JPH3: variants seen among roughly 807,000 people sequenced by gnomAD.
The protein encoded by JPH3 is junctophilin 3, also known as junctophilin-3.
In JPH3, 11 loss-of-function variants were observed where a neutral mutation model predicts 59.6. The observed-to-expected ratio is 0.18, with a 90% confidence interval of 0.12 to 0.31. The LOEUF (loss-of-function observed/expected upper bound fraction) is 0.31. Among genes scored for constraint, JPH3 ranks in the 10% least tolerant of loss-of-function variants. The pLI is 1.00. For missense variants in JPH3, 1,202 were observed against 1,105.7 expected (o/e 1.09, Z -1.24); for synonymous variants, 673 against 483.6 (o/e 1.39, Z -5.14).
chr16:87,616,396 G>T (rs1314611181), intron 1 of JPH3, among the ~76,000 whole-genome samples: 2 of 148,344 alleles, frequency 1.3e-5, no homozygotes, highest in African/African-American at 5.0e-5. Context: ...ACCACGCCTG[G>T]TTAAGTTTTT....
At chr16:87,682,205 G>A (rs1386773338) in intron 2 of JPH3, among the ~76,000 whole-genome samples, 1 of 150,824 alleles carries the variant, frequency 6.6e-6, no homozygotes, top group East Asian at 1.9e-4. Flanking sequence ...CTCTCTGTAT[G>A]TAAATGTCAT....
chr16:87,615,717 G>A (rs1340963745), intron 1 of JPH3, among the ~76,000 whole-genome samples: 2 of 152,206 alleles, frequency 1.3e-5, no homozygotes, highest in Non-Finnish European at 2.9e-5. Context: ...TGCCGGGGAG[G>A]GTCACACAGC....
intron 1 of JPH3, among the ~76,000 whole-genome samples, chr16:87,606,485 T>TG (rs1343453913): frequency 1.3e-5 from 2 of 152,164 alleles, no homozygotes; most frequent in African/African-American, 2.4e-5. Flanking sequence ...TGGTGAGGCC[T>TG]GGGGGTGTGG....
At chr16:87,640,844 G>C (rs993355421) in intron 1 of JPH3, among the ~76,000 whole-genome samples, 1 of 152,252 alleles carries the variant, frequency 6.6e-6, no homozygotes, top group African/African-American at 2.4e-5. Flanking sequence ...CAGTCGCTGA[G>C]GGTGCAGTCT....
At chr16:87,667,346 C>G (rs1004366358) in intron 2 of JPH3, among the ~76,000 whole-genome samples, 2 of 152,220 alleles carry the variant, frequency 1.3e-5, no homozygotes, top group African/African-American at 4.8e-5. Context: ...GTGGACCTAC[C>G]TTGTTAGGGG....
At chr16:87,663,615 A>G (rs2032771636) in intron 2 of JPH3, among the ~76,000 whole-genome samples, 1 of 152,166 alleles carries the variant, frequency 6.6e-6, no homozygotes, top group African/African-American at 2.4e-5. Context: ...CTGTGTTCAC[A>G]TAGGAACACA....
intron 2 of JPH3, among the ~76,000 whole-genome samples, chr16:87,675,177 A>AC (rs1261516968): frequency 4.9e-4 from 21 of 42,494 alleles, no homozygotes; most frequent in South Asian, 9.8e-4. Flanking sequence ...AGAAGCTTTC[A>AC]CCCCCCGCCC....
chr16:87,675,229 C>G (rs980123441), intron 2 of JPH3, among the ~76,000 whole-genome samples: 3 of 149,794 alleles, frequency 2.0e-5, no homozygotes, highest in Admixed American at 6.7e-5. Flanking sequence ...CTCCTCTGCC[C>G]CTGGGCCTTT....
At chr16:87,642,453 A>C (rs1567594839) in intron 1 of JPH3, among the ~76,000 whole-genome samples, 1 of 152,154 alleles carries the variant, frequency 6.6e-6, no homozygotes, top group Admixed American at 6.5e-5. Flanking sequence ...TTTTTATGTC[A>C]AATCTCTTGG....
intron 1 of JPH3, among the ~76,000 whole-genome samples, chr16:87,619,087 C>CAAA: frequency 7.1e-6 from 1 of 140,522 alleles, no homozygotes; most frequent in Non-Finnish European, 1.5e-5. Context: ...GACTCTGTCT[C>CAAA]AAAAAAAAAA....
intron 4 of JPH3, 113 bp downstream of exon 4, chr16:87,690,639 G>C: frequency 1.8e-6 from 2 of 1,131,948 alleles, no homozygotes. Context: ...TCCTCTCCAG[G>C]GGTGGAGTAG....
intron 1 of JPH3, among the ~76,000 whole-genome samples, chr16:87,621,606 C>G (rs1420496378): frequency 6.6e-6 from 1 of 152,254 alleles, no homozygotes; most frequent in Non-Finnish European, 1.5e-5. Flanking sequence ...TGTGCAAACA[C>G]CCGGGACTGT....
At chr16:87,661,716 C>T (rs1406958960) in intron 2 of JPH3, among the ~76,000 whole-genome samples, 1 of 152,252 alleles carries the variant, frequency 6.6e-6, no homozygotes, top group African/African-American at 2.4e-5. Context: ...GCAGGGTCAG[C>T]ACCTCGGAGA....
intron 1 of JPH3, among the ~76,000 whole-genome samples, chr16:87,619,610 A>C (rs1001921084): frequency 2.0e-5 from 3 of 152,082 alleles, no homozygotes; most frequent in Non-Finnish European, 4.4e-5. Context: ...GGCTGTCACT[A>C]TCTGGCTCTG....
intron 2 of JPH3, among the ~76,000 whole-genome samples, chr16:87,652,119 C>A (rs1350419786): frequency 6.6e-6 from 1 of 152,184 alleles, no homozygotes; most frequent in African/African-American, 2.4e-5. Flanking sequence ...GGACTACAGG[C>A]GCCCACCACC....
At chr16:87,661,528 G>A (rs1049650742) in intron 2 of JPH3, among the ~76,000 whole-genome samples, 9 of 152,238 alleles carry the variant, frequency 5.9e-5, no homozygotes, top group East Asian at 1.9e-4. Context: ...GGGAGGGGTC[G>A]ACATTGTAGG....
At chr16:87,696,506 T>C (rs559912299) in intron 4 of JPH3, 74 bp from the exon 5 acceptor site, 6 of 1,235,754 alleles carry the variant, frequency 4.9e-6, no homozygotes, top group Non-Finnish European at 7.1e-6. Flanking sequence ...TGAAAAGACG[T>C]GGGTGGGAGG....
At position 87,604,259 on chromosome 16, in the gene JPH3, A is replaced by T. The variant is rs182521282; in HGVS notation, c.382+731A>T. 5.7e-5 allele frequency: 83 copies of T among 1,454,970 alleles called. No individual in the cohort carries two copies. In the African/African-American group the frequency reaches 1.2e-3, roughly 21 times the overall value. The allele number at this position is 1,454,970 out of a possible 1,614,324, so 90.1% of individuals were successfully genotyped here. ...TCTAAGATGCCACCGCATTCGGGGCAGAGCCGGGGCCGGAAGCCAGGGAGC... is the reference window on the plus strand; with the variant it reads ...TCTAAGATGCCACCGCATTCGGGGCTGAGCCGGGGCCGGAAGCCAGGGAGC... On this transcript the variant is annotated intron_variant, in intron 1 of 4. Coordinates refer to ENST00000284262, the MANE Select transcript of JPH3 (RefSeq NM_020655.4).
At chr16:87,641,553 G>A (rs577977093) in intron 1 of JPH3, among the ~76,000 whole-genome samples, 4 of 152,304 alleles carry the variant, frequency 2.6e-5, no homozygotes, top group South Asian at 2.1e-4. Flanking sequence ...CTGCTGCCAC[G>A]TCCTTCTTCC....
Sources: gnomAD v4.1 joint callset for allele counts (sites outside exome capture counted in the v4.1 genomes callset) on GRCh38, gnomAD v4.1.1 for gene constraint, MANE v1.5 for transcripts, NCBI Gene and HGNC (gene_info 2026-07-23, HGNC 2026-07-21) for gene names.